GAS7: variants seen among roughly 807,000 people sequenced by gnomAD.
The protein encoded by GAS7 is growth arrest-specific protein 7.
GAS7 carries 28 observed loss-of-function variants against 71.1 expected under a neutral mutation model. That is an observed-to-expected ratio of 0.39 (90% CI 0.29 to 0.54). The LOEUF is 0.54. Ranked by LOEUF, GAS7 falls within the 20% of genes least tolerant of loss-of-function variation. GAS7 has a pLI of 0.62. For missense variants in GAS7, 436 were observed against 627.8 expected (o/e 0.69, Z 3.27); for synonymous variants, 258 against 245.8 (o/e 1.05, Z -0.46).
rs567205068 is a variant in GAS7 at position 9,912,127 on chromosome 17, G to T, written c.*5101C>A. 8.6e-6 allele frequency: 2 copies of T among 232,282 alleles called. No individual in the cohort carries two copies. Among genetic ancestry groups the T allele is most frequent in the East Asian group, 1.2e-4 (2 of 16,454 alleles). 14.4% of individuals were successfully genotyped at this position (232,282 alleles called of 1,614,324 possible). ...GATCCAAACGGTCATTACTTGCACT[G>T]TCTTTGGGGGGTCCTAGGAGAAACT... On this transcript the variant is annotated 3_prime_UTR_variant, in exon 14 of 14. Transcript: ENST00000432992.
At chr17:10,040,568 TC>T (rs1287760948) in intron 1 of GAS7, among the ~76,000 whole-genome samples, 1 of 147,416 alleles carries the variant, frequency 6.8e-6, no homozygotes, top group Admixed American at 6.7e-5. Flanking sequence ...GGCTATAGAA[TC>T]CCCCCCACCT....
At chr17:9,971,127 T>A (rs767533327) in intron 3 of GAS7, among the ~76,000 whole-genome samples, 2 of 152,178 alleles carry the variant, frequency 1.3e-5, no homozygotes, top group Admixed American at 6.5e-5. Flanking sequence ...CAGGGTGCGG[T>A]AGCTCACGCC....
chr17:10,163,880 C>T (rs1173636865), intron 1 of GAS7, among the ~76,000 whole-genome samples: 1 of 152,222 alleles, frequency 6.6e-6, no homozygotes, highest in East Asian at 1.9e-4. Flanking sequence ...AAGCACTTTG[C>T]TCATGGAGTG....
chr17:10,117,565 G>A (rs1302583196), intron 1 of GAS7, among the ~76,000 whole-genome samples: 1 of 152,174 alleles, frequency 6.6e-6, no homozygotes, highest in African/African-American at 2.4e-5. Context: ...CAACGGGGAG[G>A]AGCAGGTGCT....
intron 1 of GAS7, among the ~76,000 whole-genome samples, chr17:10,165,350 A>G (rs1472998491): frequency 6.6e-6 from 1 of 151,684 alleles, no homozygotes; most frequent in African/African-American, 2.4e-5. Flanking sequence ...TGCCCTAGAG[A>G]TGTACCATGA....
intron 1 of GAS7, among the ~76,000 whole-genome samples, chr17:10,086,223 G>A (rs1166705118): frequency 6.6e-6 from 1 of 152,200 alleles, no homozygotes; most frequent in Non-Finnish European, 1.5e-5. Context: ...ATACATGTTC[G>A]TGTTCCCATG....
At position 10,066,927 on chromosome 17, in the gene GAS7, A is replaced by G. The variant is rs530276237; in HGVS notation, c.184-47030T>C. Among the ~76,000 whole-genome samples, 8 of 152,286 alleles carry G rather than the reference A, an allele frequency of 5.3e-5. 1 individual carries two copies. The East Asian group carries it at 1.5e-3, about 29-fold the overall frequency. ...AGGACAAGTTGCTTGATCTAGCTGGACAATCTCAAGTCAGCAATTCCCGTG... is the reference window on the plus strand; with the variant it reads ...AGGACAAGTTGCTTGATCTAGCTGGGCAATCTCAAGTCAGCAATTCCCGTG... On this transcript the variant is annotated intron_variant, in intron 1 of 13. Transcript: ENST00000432992.
chr17:9,953,361 G>A (rs768036732), intron 5 of GAS7, among the ~76,000 whole-genome samples: 1 of 152,112 alleles, frequency 6.6e-6, no homozygotes, highest in African/African-American at 2.4e-5. Flanking sequence ...ATGGAGCCCC[G>A]AGGTGCCTGC....
chr17:9,911,911 G>C lies in GAS7; in HGVS notation c.*5317C>G, dbSNP rs372132366. 2 of 231,862 alleles carry C rather than the reference G, an allele frequency of 8.6e-6. No homozygotes were observed. The highest frequency in any genetic ancestry group is 1.7e-5 in the Non-Finnish European group (2 of 117,332). The allele number at this position is 231,862 out of a possible 1,614,324, so 14.4% of individuals were successfully genotyped here. On this transcript the variant is annotated 3_prime_UTR_variant, in exon 14 of 14. Coordinates refer to ENST00000432992, the MANE Select transcript of GAS7 (RefSeq NM_201433.2). This position sits in a 1 kb window ranked among gnomAD's most constrained non-coding sequence, Gnocchi z 4.0. ...TTACCTCAGGGGTCACACTCAGCCT[G>C]GTCTGGCCTTAACTGGGTGTGGTCC...
chr17:10,038,689 G>A (rs2072804757), intron 1 of GAS7, among the ~76,000 whole-genome samples: 1 of 145,362 alleles, frequency 6.9e-6, no homozygotes, highest in African/African-American at 2.6e-5. Flanking sequence ...CCTTAAGAAG[G>A]AAGGAATTTT....
intron 1 of GAS7, among the ~76,000 whole-genome samples, chr17:10,062,409 C>A (rs554370041): frequency 6.6e-6 from 1 of 152,134 alleles, no homozygotes; most frequent in Non-Finnish European, 1.5e-5. Flanking sequence ...CACTTGAACC[C>A]GGGAGGTGGA....
chr17:9,946,337 C>T (rs547719932), intron 6 of GAS7, among the ~76,000 whole-genome samples: 3 of 152,330 alleles, frequency 2.0e-5, no homozygotes, highest in South Asian at 4.1e-4. Context: ...AGTACATTCA[C>T]ATGGTTGTGC....
chr17:10,064,780 A>G (rs8080535), intron 1 of GAS7, among the ~76,000 whole-genome samples: 64,843 of 151,856 alleles, frequency 0.43, 14,086 homozygotes, highest in Non-Finnish European at 0.47. Flanking sequence ...TGATCAAACC[A>G]TGCCTGAAGC....
intron 7 of GAS7, among the ~76,000 whole-genome samples, chr17:9,940,986 C>G (rs934887322): frequency 6.6e-6 from 1 of 152,230 alleles, no homozygotes; most frequent in African/African-American, 2.4e-5. Context: ...CTTCGGAGAG[C>G]CCCTGGTCCA....
chr17:9,956,161 G>A (rs2069226346), intron 5 of GAS7, among the ~76,000 whole-genome samples: 1 of 152,238 alleles, frequency 6.6e-6, no homozygotes, highest in Admixed American at 6.5e-5. Flanking sequence ...GAGGCCACAG[G>A]CTTCTTGCAC....
chr17:10,185,057 G>T (rs1029667239), intron 1 of GAS7, among the ~76,000 whole-genome samples: 1 of 151,844 alleles, frequency 6.6e-6, no homozygotes, highest in African/African-American at 2.4e-5. Flanking sequence ...CTCCTGAGTA[G>T]CTGAGACTAC....
intron 1 of GAS7, chr17:10,039,725 TAGC>T (rs2072826951): frequency 2.2e-6 from 1 of 456,186 alleles, no homozygotes; most frequent in Non-Finnish European, 4.4e-6. Flanking sequence ...TGGCCACCTA[TAGC>T]AGGACTCACT....
rs916460323 is a variant in GAS7, at chr17:9,969,460, C to G, written c.471+217G>C. On this transcript the variant is annotated intron_variant, in intron 4 of 13. Transcript: ENST00000432992. This position sits in a 1 kb window ranked among gnomAD's most constrained non-coding sequence, Gnocchi z 5.5. ...AACCCCATCACCGTCAACCCCTCCT[C>G]CAAACCACCCTCGACTTCTAGAAAA... is the stretch of plus-strand genomic sequence containing the variant. Among the ~76,000 whole-genome samples the G allele has an allele frequency of 1.3e-5, 2 of 152,184 alleles. No homozygotes were observed. The highest frequency in any genetic ancestry group is 2.9e-5 in the Non-Finnish European group (2 of 68,030).
intron 4 of GAS7, among the ~76,000 whole-genome samples, chr17:9,966,110 T>C (rs1365789419): frequency 6.6e-6 from 1 of 151,042 alleles, no homozygotes; most frequent in Non-Finnish European, 1.5e-5. Context: ...GCCATTCTCC[T>C]GCCTCAGCCT....
Sources: allele counts gnomAD v4.1 joint callset (sites outside exome capture counted in the v4.1 genomes callset), GRCh38; gene constraint gnomAD v4.1.1; non-coding constraint Gnocchi (gnomAD v3.1); transcripts MANE v1.5; gene names NCBI Gene and HGNC (gene_info 2026-07-23, HGNC 2026-07-21).